The following SDR42E2 variants were observed in gnomAD, a reference collection of about 807,000 sequenced individuals.
SDR42E2 encodes putative short-chain dehydrogenase/reductase family 42E member 2.
A neutral mutation model predicts 10.5 loss-of-function variants in SDR42E2; 20 were observed. The observed-to-expected ratio is 1.90, with a 90% CI of 1.34 to 2.77. SDR42E2 has a LOEUF of 2.77. Among genes scored for constraint, SDR42E2 ranks in the 30% most tolerant of loss-of-function variants. The pLI is 0.00. For synonymous variants in SDR42E2, 72 were observed against 39.2 expected, an observed-to-expected ratio of 1.84 and a Z score of -3.12; for missense variants, 162 against 104.2, an observed-to-expected ratio of 1.55 and a Z score of -2.42.
chr16:22,162,770 C>T (rs1440481464), intron 1 of SDR42E2, among the ~76,000 whole-genome samples: 8 of 152,296 alleles, frequency 5.3e-5, no homozygotes, highest in Middle Eastern at 3.4e-3. Context: ...TGGATTCCGG[C>T]GGAGACACTG....
At chr16:22,186,691 CCT>C (rs2142082731) in intron 11 of SDR42E2, 28 bp from the exon 12 acceptor site, 2 of 401,192 alleles carry the variant, frequency 5.0e-6, no homozygotes, top group Admixed American at 8.8e-5. Flanking sequence ...ATGTGAGGCC[CCT>C]GGTCACTGGC....
Position 22,190,606 on chromosome 16 carries a change from C to T in SDR42E2, c.*213C>T, listed in dbSNP as rs74865584. ...GCCCCTATCTACTCCCAGACCTTGC[C>T]TTGCGCCCTTCCTGTGTTTTGGCCC... On this transcript the variant is annotated 3_prime_UTR_variant, in exon 13 of 13. Transcript: ENST00000602312. The T allele has an allele frequency of 7.5e-3, 2,982 of 396,618 alleles. 87 individuals carry two copies. Among genetic ancestry groups the T allele is most frequent in the African/African-American group, 0.057 (2,735 of 48,398 alleles). 24.6% of individuals were successfully genotyped at this position (396,618 alleles called of 1,614,324 possible).
intron 6 of SDR42E2, among the ~76,000 whole-genome samples, 196 bp downstream of exon 6, chr16:22,171,147 G>T (rs1344938519): frequency 1.3e-5 from 2 of 152,236 alleles, no homozygotes; most frequent in Non-Finnish European, 2.9e-5. Flanking sequence ...AATCAGACAG[G>T]TCTGGCCTTA....
intron 7 of SDR42E2, among the ~76,000 whole-genome samples, chr16:22,177,485 G>A (rs1478887527): frequency 1.3e-5 from 2 of 152,008 alleles, no homozygotes; most frequent in African/African-American, 2.4e-5. Flanking sequence ...AAAATTAGCT[G>A]GGCATGGTTG....
intron 8 of SDR42E2, among the ~76,000 whole-genome samples, chr16:22,180,506 G>A (rs577321171): frequency 6.6e-6 from 1 of 152,218 alleles, no homozygotes; most frequent in East Asian, 1.9e-4. Flanking sequence ...TTCAAGGCCA[G>A]CCTGGGCAAC....
chr16:22,175,480 C>T (rs1281680655), intron 7 of SDR42E2, among the ~76,000 whole-genome samples: 1 of 151,344 alleles, frequency 6.6e-6, no homozygotes, highest in Admixed American at 6.6e-5. Flanking sequence ...AGGCCAGAGT[C>T]TGAAATCAAG....
chr16:22,165,983 T>G (rs558279273), intron 2 of SDR42E2, among the ~76,000 whole-genome samples: 1 of 143,410 alleles, frequency 7.0e-6, no homozygotes, highest in Non-Finnish European at 1.5e-5. Flanking sequence ...GCTGGGTCTG[T>G]ACCTGGACCA....
At chr16:22,172,114 G>A (rs1250552552) in intron 6 of SDR42E2, 142 bp from the exon 7 acceptor site, 1 of 634,880 alleles carries the variant, frequency 1.6e-6, no homozygotes, top group Non-Finnish European at 2.8e-6. Flanking sequence ...CACCCAGGGG[G>A]AGAGGAAAGG....
At chr16:22,183,967 T>G (rs1312893728) in intron 10 of SDR42E2, among the ~76,000 whole-genome samples, 3 of 151,602 alleles carry the variant, frequency 2.0e-5, no homozygotes, top group African/African-American at 7.3e-5. Context: ...AACTAACCCA[T>G]GCTTTCAATT....
intron 4 of SDR42E2, among the ~76,000 whole-genome samples, 189 bp downstream of exon 4, chr16:22,167,188 T>G (rs866871685): frequency 0.054 from 6,879 of 128,416 alleles, 457 homozygotes; most frequent in South Asian, 0.09. Flanking sequence ...TTTTTTTTTT[T>G]TTTTTTTTTT....
chr16:22,173,061 T>G (rs1473225505), intron 7 of SDR42E2, among the ~76,000 whole-genome samples: 1 of 152,146 alleles, frequency 6.6e-6, no homozygotes, highest in Non-Finnish European at 1.5e-5. Context: ...ATTACAGGCA[T>G]GAGCCACCAT....
intron 7 of SDR42E2, among the ~76,000 whole-genome samples, chr16:22,174,679 C>A (rs1360608956): frequency 6.6e-6 from 1 of 152,080 alleles, no homozygotes; most frequent in Non-Finnish European, 1.5e-5. Context: ...TACCTGGGGC[C>A]TCTGCCAGCC....
At chr16:22,181,182 A>G (rs553129152) in intron 8 of SDR42E2, among the ~76,000 whole-genome samples, 14 of 152,230 alleles carry the variant, frequency 9.2e-5, no homozygotes, top group African/African-American at 3.4e-4. Context: ...AGTTGAACCA[A>G]TTGGATTTGC....
chr16:22,162,634 A>G (rs2046507372), intron 1 of SDR42E2, among the ~76,000 whole-genome samples, 70 bp downstream of exon 1: 2 of 152,154 alleles, frequency 1.3e-5, no homozygotes. Context: ...TGAGGGAGCC[A>G]AGAGGGGAGG....
At chr16:22,164,964 C>T (rs902576729) in intron 1 of SDR42E2, among the ~76,000 whole-genome samples, 1 of 152,188 alleles carries the variant, frequency 6.6e-6, no homozygotes, top group Non-Finnish European at 1.5e-5. Context: ...TGCTTAATGT[C>T]AACCTCAGTT....
intron 10 of SDR42E2, among the ~76,000 whole-genome samples, chr16:22,182,727 A>G (rs2142078293): frequency 6.6e-6 from 1 of 152,272 alleles, no homozygotes. Flanking sequence ...TTGCCCAGTG[A>G]GGTGGCTCAC....
chr16:22,180,330 T>G (rs983913496), intron 8 of SDR42E2, among the ~76,000 whole-genome samples: 2 of 151,990 alleles, frequency 1.3e-5, no homozygotes, highest in African/African-American at 2.4e-5. Flanking sequence ...AGCCCAGGAT[T>G]TCAAGGCAGC....
chr16:22,184,906 A>AGGC (rs2046725543), intron 11 of SDR42E2, among the ~76,000 whole-genome samples: 1 of 152,070 alleles, frequency 6.6e-6, no homozygotes, highest in African/African-American at 2.4e-5. Flanking sequence ...AGAGGCGGAG[A>AGGC]GGCGGAATTC....
At chr16:22,166,465 G>A in intron 3 of SDR42E2, 31 bp downstream of exon 3, 2 of 402,690 alleles carry the variant, frequency 5.0e-6, no homozygotes, top group Non-Finnish European at 8.8e-6. Context: ...AATAGACTGG[G>A]GCAGTGGTGA....
Sources: allele counts gnomAD v4.1 joint callset (sites outside exome capture counted in the v4.1 genomes callset), GRCh38; gene constraint gnomAD v4.1.1; transcripts MANE v1.5; gene names NCBI Gene and HGNC (gene_info 2026-07-23, HGNC 2026-07-21).